Variants in FOXO3 observed in about 807,000 individuals in gnomAD.
FOXO3 encodes forkhead box protein O3.
FOXO3 carries 4 observed loss-of-function variants against 41.9 expected under a neutral mutation model. The observed-to-expected ratio is 0.10, with a 90% CI of 0.05 to 0.22. The LOEUF is 0.22. Among genes scored for constraint, FOXO3 ranks in the 10% least tolerant of loss-of-function variants. FOXO3 has a pLI of 1.00. For synonymous variants in FOXO3, 318 were observed against 389.3 expected, an observed-to-expected ratio of 0.82 and a Z score of 2.16; for missense variants, 534 against 906.8, an observed-to-expected ratio of 0.59 and a Z score of 5.28.
intron 1 of FOXO3, among the ~76,000 whole-genome samples, chr6:108,569,983 C>T (rs967845450): frequency 4.3e-5 from 4 of 93,670 alleles, no homozygotes; most frequent in Non-Finnish European, 6.3e-5. Flanking sequence ...TTTTCCCTTG[C>T]GTGGTTTTTT....
chr6:108,592,313 A>T (rs888242355), intron 1 of FOXO3, among the ~76,000 whole-genome samples: 18 of 152,204 alleles, frequency 1.2e-4, no homozygotes, highest in African/African-American at 4.3e-4. Context: ...TTTGAACCGA[A>T]AAAAGGGGTT....
chr6:108,672,619 A>T (rs1562268244), intron 2 of FOXO3, among the ~76,000 whole-genome samples: 3 of 152,190 alleles, frequency 2.0e-5, no homozygotes, highest in Non-Finnish European at 4.4e-5. Flanking sequence ...TTAGTCACGA[A>T]GTCTCAGAGG....
At chr6:108,675,833 A>G (rs1048570633) in intron 2 of FOXO3, among the ~76,000 whole-genome samples, 1 of 152,170 alleles carries the variant, frequency 6.6e-6, no homozygotes, top group Admixed American at 6.5e-5. Flanking sequence ...TTCTCTGCCC[A>G]GAAGATAAAA....
chr6:108,657,051 G>A (rs1269082345), intron 1 of FOXO3, among the ~76,000 whole-genome samples: 1 of 152,204 alleles, frequency 6.6e-6, no homozygotes. Context: ...GAAGGGTTAT[G>A]CCACTGATTG....
At chr6:108,623,232 C>CA (rs1777723347) in intron 1 of FOXO3, among the ~76,000 whole-genome samples, 1 of 152,188 alleles carries the variant, frequency 6.6e-6, no homozygotes, top group Non-Finnish European at 1.5e-5. Context: ...GTAGTCGTCT[C>CA]AGGAGCCTAC....
At chr6:108,669,426 G>A (rs1779152418) in intron 2 of FOXO3, among the ~76,000 whole-genome samples, 1 of 152,086 alleles carries the variant, frequency 6.6e-6, no homozygotes, top group African/African-American at 2.4e-5. Context: ...GTTTTTTATT[G>A]ATGTAGATAT....
upstream of FOXO3, chr6:108,560,818 A>C: frequency 2.5e-6 from 1 of 394,924 alleles, no homozygotes; most frequent in Non-Finnish European, 4.0e-6. Flanking sequence ...CCCGCCGCCT[A>C]GCCCGGGAGG....
intron 1 of FOXO3, among the ~76,000 whole-genome samples, chr6:108,619,125 A>G (rs1777599057): frequency 2.0e-5 from 3 of 152,262 alleles, no homozygotes; most frequent in Admixed American, 2.0e-4. Context: ...GATGGAATCC[A>G]TAATAAATAT....
chr6:108,645,899 C>T (rs920728944), intron 1 of FOXO3, among the ~76,000 whole-genome samples: 2 of 152,082 alleles, frequency 1.3e-5, no homozygotes, highest in Non-Finnish European at 2.9e-5. Context: ...AGATAACATG[C>T]AGGAGGGCAT....
At chr6:108,564,937 G>C (rs1775915018) in intron 1 of FOXO3, among the ~76,000 whole-genome samples, 2 of 152,148 alleles carry the variant, frequency 1.3e-5, no homozygotes, top group Non-Finnish European at 2.9e-5. Context: ...CTAGTTAGTA[G>C]AGAGGTAATT....
At chr6:108,674,302 TTTGA>T (rs964716187) in intron 2 of FOXO3, among the ~76,000 whole-genome samples, 13 of 152,324 alleles carry the variant, frequency 8.5e-5, no homozygotes, top group African/African-American at 2.6e-4. Flanking sequence ...AGGATGGTTC[TTTGA>T]TTGATTCAGC....
At chr6:108,602,782 T>C (rs1777089536) in intron 1 of FOXO3, among the ~76,000 whole-genome samples, 1 of 152,220 alleles carries the variant, frequency 6.6e-6, no homozygotes, top group South Asian at 2.1e-4. Context: ...TCTGTGTGTT[T>C]TGTATTATAG....
At chr6:108,651,815 A>G (rs984622528) in intron 1 of FOXO3, among the ~76,000 whole-genome samples, 1 of 152,240 alleles carries the variant, frequency 6.6e-6, no homozygotes, top group Admixed American at 6.5e-5. Flanking sequence ...GCAGTTTTCT[A>G]CCAGAGTTTT....
At chr6:108,631,178 C>T (rs1329977753) in intron 1 of FOXO3, among the ~76,000 whole-genome samples, 1 of 152,122 alleles carries the variant, frequency 6.6e-6, no homozygotes, top group Non-Finnish European at 1.5e-5. Flanking sequence ...TACATTTACT[C>T]ATATTCATTT....
At chr6:108,639,326 T>G (rs1199759458) in intron 1 of FOXO3, among the ~76,000 whole-genome samples, 1 of 152,206 alleles carries the variant, frequency 6.6e-6, no homozygotes, top group Non-Finnish European at 1.5e-5. Flanking sequence ...TGCCACACTG[T>G]CCAAGCATTT....
chr6:108,671,445 G>A (rs1412463415), intron 2 of FOXO3, among the ~76,000 whole-genome samples: 3 of 152,294 alleles, frequency 2.0e-5, no homozygotes, highest in Admixed American at 2.0e-4. Context: ...GAGGAGCTGT[G>A]GGACTTGCAG....
chr6:108,582,958 T>C (rs1776471921), intron 1 of FOXO3, among the ~76,000 whole-genome samples: 1 of 152,194 alleles, frequency 6.6e-6, no homozygotes, highest in African/African-American at 2.4e-5. Flanking sequence ...TAATGCCAAA[T>C]TGATGATGGA....
chr6:108,661,904 G>A (rs1228872882), intron 1 of FOXO3, among the ~76,000 whole-genome samples: 2 of 152,168 alleles, frequency 1.3e-5, no homozygotes, highest in Admixed American at 6.5e-5. Context: ...AAGTTGCAGA[G>A]ATAGTAGAGA....
At chr6:108,619,775 C>T (rs910442273) in intron 1 of FOXO3, among the ~76,000 whole-genome samples, 2 of 152,242 alleles carry the variant, frequency 1.3e-5, no homozygotes, top group South Asian at 4.1e-4. Context: ...GAATAAAGAC[C>T]AGACCTACAT....
Sources: gnomAD v4.1 joint callset for allele counts (sites outside exome capture counted in the v4.1 genomes callset) on GRCh38, gnomAD v4.1.1 for gene constraint, MANE v1.5 for transcripts, NCBI Gene and HGNC (gene_info 2026-07-23, HGNC 2026-07-21) for gene names.